Variants in R3HDM1 observed in about 807,000 individuals in gnomAD.
The protein encoded by R3HDM1 is R3H domain-containing protein 1.
R3HDM1 carries 46 observed loss-of-function variants against 141.1 expected under a neutral mutation model. The ratio of observed to expected loss-of-function variants is 0.33; its 90% CI spans 0.26 to 0.42. The LOEUF is 0.42. R3HDM1 is among the 10% of genes least tolerant of loss of function. The pLI, the probability that R3HDM1 is intolerant of heterozygous loss-of-function variation, is 1.00. For missense variants in R3HDM1, 1,184 were observed against 1,368.3 expected (o/e 0.87, Z 2.12); for synonymous variants, 435 against 472.9 (o/e 0.92, Z 1.04).
chr2:135,621,842 C>G, intron 6 of R3HDM1: 1 of 981,726 alleles, frequency 1.0e-6, no homozygotes, highest in Non-Finnish European at 1.2e-6. Context: ...ACATCTTAAT[C>G]TCTTACTGGT....
chr2:135,672,311 C>T (rs182178457), intron 19 of R3HDM1, among the ~76,000 whole-genome samples: 45 of 152,278 alleles, frequency 3.0e-4, no homozygotes, highest in African/African-American at 1.0e-3. Context: ...TTTGCTTCTT[C>T]ACCAGTATTC....
chr2:135,702,669 AT>A (rs773530438), intron 21 of R3HDM1, among the ~76,000 whole-genome samples: 20 of 148,930 alleles, frequency 1.3e-4, no homozygotes, highest in East Asian at 9.7e-4. Flanking sequence ...AAAAAAAAAA[AT>A]ATCAGGCATG....
rs116405265 is a variant in R3HDM1 at position 135,666,340 on chromosome 2, A to G, written c.2152+4947A>G. On this transcript the variant is annotated intron_variant, in intron 19 of 26. Transcript: ENST00000683871. The stretch of plus-strand genomic sequence containing the variant: ...CACAAAGTCAATTTCTTTACTGACA[A>G]CTTTCAATCCAAGTAATAGGAATTT... 6.1e-3 allele frequency among the ~76,000 whole-genome samples: 924 copies of G among 152,316 alleles called. 10 individuals carry two copies. The highest frequency in any genetic ancestry group is 0.021 in the African/African-American group (875 of 41,564).
chr2:135,624,114 G>C (rs1372257922), intron 7 of R3HDM1, among the ~76,000 whole-genome samples: 1 of 152,228 alleles, frequency 6.6e-6, no homozygotes, highest in African/African-American at 2.4e-5. Context: ...TGATGGTAAA[G>C]GTCGGGCGCA....
intron 21 of R3HDM1, among the ~76,000 whole-genome samples, chr2:135,705,242 TGCATGTTTAAGTGCTAATG>T (rs1191512625): frequency 2.6e-5 from 4 of 152,262 alleles, no homozygotes; most frequent in African/African-American, 9.6e-5. Context: ...AAGTGCTAAT[TGCATGTTTAAGTGCTAATG>T]GCATGTTTGT....
At chr2:135,716,310 A>G (rs1387150189) in intron 24 of R3HDM1, among the ~76,000 whole-genome samples, 1 of 152,214 alleles carries the variant, frequency 6.6e-6, no homozygotes, top group Non-Finnish European at 1.5e-5. Context: ...CAAAAATAAA[A>G]CAGAAAAAAG....
rs771486053 is a variant in R3HDM1, at chr2:135,604,888, A to G, written c.43A>G (p.Thr15Ala). The G allele has an allele frequency of 1.2e-6, 2 of 1,611,532 alleles. No individual in the cohort carries two copies. The highest frequency in any genetic ancestry group is 1.7e-5 in the Admixed American group (1 of 60,002). The change falls in exon 3 of 27, where the codon ACA becomes GCA. Residue 15 changes from threonine to alanine, a missense_variant. Thr to Ala is a moderately conservative substitution (Grantham distance 58, BLOSUM62 0). Transcript: ENST00000683871. ...TGTTACTGTAAAAGATGAAACTGCAACAATGAAGGATTTGGAGGCAGAAGT... is the reference window on the plus strand; with the variant it reads ...TGTTACTGTAAAAGATGAAACTGCAGCAATGAAGGATTTGGAGGCAGAAGT... Reference protein sequence around the residue: ...DTVTVKDETATMKDLEAEVKD... With the variant: ...DTVTVKDETAAMKDLEAEVKD...
intron 23 of R3HDM1, among the ~76,000 whole-genome samples, chr2:135,713,699 A>G (rs1001947468): frequency 1.3e-5 from 2 of 152,184 alleles, no homozygotes; most frequent in Admixed American, 1.3e-4. Flanking sequence ...GTCTCCATTA[A>G]AAGGAACTAG....
chr2:135,583,936 CT>C, intron 1 of R3HDM1: 1 of 985,396 alleles, frequency 1.0e-6, no homozygotes, highest in Non-Finnish European at 1.2e-6. Flanking sequence ...CAGTTAAACC[CT>C]GTAGAGTCAA....
chr2:135,585,523 G>A lies in R3HDM1; in HGVS notation c.-249-16977G>A, dbSNP rs548581317. On this transcript the variant is annotated intron_variant, in intron 1 of 26. Coordinates refer to ENST00000683871, the MANE Select transcript of R3HDM1 (RefSeq NM_001378107.1). The stretch of plus-strand genomic sequence containing the variant: ...TTGTTTAACAAAATGGGAAACAGAG[G>A]CACATGCTATACCCAGCTATCACAG... 3.6e-4 allele frequency among the ~76,000 whole-genome samples: 55 copies of A among 152,250 alleles called. No homozygotes were observed. In the South Asian group the frequency reaches 0.011, roughly 31 times the overall value.
intron 1 of R3HDM1, among the ~76,000 whole-genome samples, chr2:135,599,298 T>C (rs1166159148): frequency 1.3e-5 from 2 of 152,180 alleles, no homozygotes; most frequent in African/African-American, 2.4e-5. Flanking sequence ...TTTTTTGAAG[T>C]TGAATATGAA....
chr2:135,536,772 C>T (rs1424043084), intron 1 of R3HDM1: 1 of 941,624 alleles, frequency 1.1e-6, no homozygotes, highest in African/African-American at 1.8e-5. Context: ...CTGGGCCACA[C>T]AGCAGGAGGT....
chr2:135,700,137 G>A (rs2074015777), intron 21 of R3HDM1, among the ~76,000 whole-genome samples: 1 of 151,698 alleles, frequency 6.6e-6, no homozygotes, highest in African/African-American at 2.4e-5. Flanking sequence ...TTATAACAGT[G>A]CTATTATTAA....
chr2:135,658,288 C>G (rs566553895), intron 18 of R3HDM1, among the ~76,000 whole-genome samples: 1 of 152,114 alleles, frequency 6.6e-6, no homozygotes, highest in Non-Finnish European at 1.5e-5. Flanking sequence ...GCCTCAGCCC[C>G]CCGAGTACCT....
intron 14 of R3HDM1, among the ~76,000 whole-genome samples, chr2:135,640,618 TTAAAA>T (rs2063702729): frequency 6.6e-6 from 1 of 152,226 alleles, no homozygotes; most frequent in Non-Finnish European, 1.5e-5. Context: ...TTGGCATAAC[TTAAAA>T]TAGAAGCTGT....
chr2:135,701,433 C>G (rs1458040383), intron 21 of R3HDM1, among the ~76,000 whole-genome samples: 1 of 152,042 alleles, frequency 6.6e-6, no homozygotes, highest in African/African-American at 2.4e-5. Context: ...TATACACATG[C>G]ATACATATAA....
intron 5 of R3HDM1, among the ~76,000 whole-genome samples, chr2:135,618,879 G>A (rs1365117073): frequency 6.6e-6 from 1 of 152,104 alleles, no homozygotes. Flanking sequence ...AATTAGGCAG[G>A]TGTGGTGGCA....
chr2:135,611,959 T>C (rs2060591246), intron 3 of R3HDM1, among the ~76,000 whole-genome samples: 1 of 152,230 alleles, frequency 6.6e-6, no homozygotes, highest in South Asian at 2.1e-4. Context: ...TCATTTATTA[T>C]AAGGAATAAC....
chr2:135,704,052 C>T (rs1305725942), intron 21 of R3HDM1, among the ~76,000 whole-genome samples: 2 of 152,198 alleles, frequency 1.3e-5, no homozygotes, highest in African/African-American at 2.4e-5. Context: ...GTGATCTCAG[C>T]TCACTGCAAC....
Sources: gnomAD v4.1 joint callset for allele counts (sites outside exome capture counted in the v4.1 genomes callset) on GRCh38, gnomAD v4.1.1 for gene constraint, MANE v1.5 for transcripts, NCBI Gene and HGNC (gene_info 2026-07-23, HGNC 2026-07-21) for gene names.